SLF1: variants seen among roughly 807,000 people sequenced by gnomAD.
SLF1 encodes SMC5-SMC6 complex localization factor protein 1.
In SLF1, 105 loss-of-function variants were observed where a neutral mutation model predicts 123.0. That is an observed-to-expected ratio of 0.85 (90% CI 0.73 to 1.00). The LOEUF (loss-of-function observed/expected upper bound fraction) is 1.00, where lower values mean the gene tolerates loss of function less well. Ranked by LOEUF, SLF1 falls within the 50% of genes least tolerant of loss-of-function variation. The pLI, the probability that SLF1 is intolerant of heterozygous loss-of-function variation, is 0.00. For missense variants in SLF1, 1,239 were observed against 1,223.0 expected (o/e 1.01, Z -0.20); for synonymous variants, 434 against 406.6 (o/e 1.07, Z -0.81).
At chr5:94,649,649 G>A in intron 6 of SLF1, 52 bp downstream of exon 6, 1 of 1,347,018 alleles carries the variant, frequency 7.4e-7, no homozygotes, top group Non-Finnish European at 9.7e-7. Flanking sequence ...TTATAGAATT[G>A]TTTAAGAGGC....
At chr5:94,661,365 T>A (rs1749083197) in intron 9 of SLF1, among the ~76,000 whole-genome samples, 1 of 152,106 alleles carries the variant, frequency 6.6e-6, no homozygotes, top group African/African-American at 2.4e-5. Flanking sequence ...TCTCTGTCTT[T>A]GCTTGCCTCA....
At chr5:94,666,567 C>T (rs1456655336) in intron 12 of SLF1, among the ~76,000 whole-genome samples, 2 of 152,190 alleles carry the variant, frequency 1.3e-5, no homozygotes, top group Non-Finnish European at 2.9e-5. Flanking sequence ...CACCTTCTTT[C>T]TCCCTAACAG....
rs1394122073 is a variant in SLF1 at position 94,643,323 on chromosome 5, G to GT, written c.483dup (p.Gly162TrpfsTer9). The GT allele has an allele frequency of 1.3e-6, 2 of 1,543,468 alleles. No individual in the cohort carries two copies. The highest frequency in any genetic ancestry group is 4.1e-5 in the Admixed American group (2 of 49,132). ...GTTATTTTACCAAAAAGTTCACCAA[G>GT]TGGAATAACTCATGTGATTGCCAGT... On this transcript the variant is annotated frameshift_variant, in exon 5 of 21. Transcript: ENST00000265140. LOFTEE classifies it high-confidence loss of function.
intron 12 of SLF1, among the ~76,000 whole-genome samples, chr5:94,667,995 G>A (rs922445335): frequency 6.6e-6 from 1 of 151,946 alleles, no homozygotes; most frequent in Non-Finnish European, 1.5e-5. Flanking sequence ...TTTTCTGCCC[G>A]CCTCAGCCTC....
At chr5:94,685,828 C>T (rs1194042036) in intron 15 of SLF1, among the ~76,000 whole-genome samples, 2 of 148,458 alleles carry the variant, frequency 1.3e-5, no homozygotes, top group Admixed American at 1.3e-4. Context: ...AGCGAGACTC[C>T]GTCTCAAAAA....
intron 1 of SLF1, among the ~76,000 whole-genome samples, chr5:94,626,500 G>A (rs1393673120): frequency 6.6e-6 from 1 of 152,074 alleles, no homozygotes; most frequent in Non-Finnish European, 1.5e-5. Flanking sequence ...CTGTATCTGA[G>A]TTTTAGAGGG....
At position 94,651,794 on chromosome 5, in the gene SLF1, G is replaced by T; in HGVS notation, c.831G>T (p.Leu277Phe). Reference protein sequence around the residue: ...KEKFSGSSKDLKFVKMRNTFG... With the variant: ...KEKFSGSSKDFKFVKMRNTFG... ...AATTCAGTGGTTCCAGTAAAGATTT[G>T]AAATTTGTTAAAATGAGAAATACCT... The change falls in exon 7 of 21, where the codon TTG becomes TTT. Residue 277 changes from leucine to phenylalanine, a missense_variant. Transcript: ENST00000265140. 1 of 1,510,862 alleles carries T rather than the reference G, an allele frequency of 6.6e-7. No homozygotes were observed. The highest frequency in any genetic ancestry group is 1.3e-5 in the South Asian group (1 of 77,600). The allele number at this position is 1,510,862 out of a possible 1,614,324, so 93.6% of individuals were successfully genotyped here.
At chr5:94,657,706 G>A (rs1206786846) in intron 9 of SLF1, among the ~76,000 whole-genome samples, 1 of 151,958 alleles carries the variant, frequency 6.6e-6, no homozygotes, top group Non-Finnish European at 1.5e-5. Flanking sequence ...CCAAGATCTG[G>A]ATTTATATAT....
At chr5:94,681,456 A>T (rs1003539275) in intron 15 of SLF1, among the ~76,000 whole-genome samples, 9 of 152,138 alleles carry the variant, frequency 5.9e-5, no homozygotes, top group African/African-American at 2.2e-4. Flanking sequence ...GTATTTCTAA[A>T]AATGGTTCAA....
chr5:94,672,052 A>T (rs552833895), intron 14 of SLF1, among the ~76,000 whole-genome samples: 2 of 152,192 alleles, frequency 1.3e-5, no homozygotes, highest in East Asian at 3.9e-4. Flanking sequence ...TTTCTGTTGG[A>T]TTGGATCAAA....
At position 94,653,329 on chromosome 5, in the gene SLF1, CGCAAGAAAGGAAAAGAAAGCAATT is replaced by C. The variant is rs1561444109; in HGVS notation, c.951_974del (p.Lys318_Gly325del). The C allele has an allele frequency of 6.6e-7, 1 of 1,521,154 alleles. No individual in the cohort carries two copies. The highest frequency in any genetic ancestry group is 8.8e-7 in the Non-Finnish European group (1 of 1,137,540). 94.2% of individuals were successfully genotyped at this position (1,521,154 alleles called of 1,614,324 possible). A position where few individuals can be genotyped will look rare whatever the true frequency, so the allele number is the denominator to read the frequency against. ...GAGGAGTTATACTTTGAGGAGAAAACGCAAGAAAGGAAAAGAAAGCAATTGCAAGAAAGGCGTTGAACATGAAAA... is the reference window on the plus strand; with the variant it reads ...GAGGAGTTATACTTTGAGGAGAAAACGCAAGAAAGGCGTTGAACATGAAAA... On this transcript the variant is annotated inframe_deletion, in exon 8 of 21. Coordinates refer to ENST00000265140, the MANE Select transcript of SLF1 (RefSeq NM_032290.4).
At chr5:94,621,883 TAC>T (rs145332421) in intron 1 of SLF1, among the ~76,000 whole-genome samples, 27,421 of 150,220 alleles carry the variant, frequency 0.18, 2,786 homozygotes, top group African/African-American at 0.27. Context: ...TTAATATTTA[TAC>T]ACACACACAC....
chr5:94,619,049 A>G (rs938009302), intron 1 of SLF1, among the ~76,000 whole-genome samples: 3 of 151,984 alleles, frequency 2.0e-5, no homozygotes, highest in African/African-American at 7.2e-5. Flanking sequence ...CCTCTGCAGT[A>G]CTGGGCTGAG....
chr5:94,625,690 A>G (rs549633745), intron 1 of SLF1, among the ~76,000 whole-genome samples: 12 of 152,228 alleles, frequency 7.9e-5, no homozygotes, highest in African/African-American at 2.6e-4. Context: ...GCCAAGACCT[A>G]TCATTTTCTA....
intron 4 of SLF1, among the ~76,000 whole-genome samples, chr5:94,635,501 GTTTC>G (rs570204363): frequency 4.6e-5 from 7 of 151,478 alleles, no homozygotes; most frequent in African/African-American, 1.7e-4. Context: ...TATATACTGT[GTTTC>G]TTTCTTCCTA....
At chr5:94,661,625 C>T (rs1271208741) in intron 9 of SLF1, among the ~76,000 whole-genome samples, 1 of 151,580 alleles carries the variant, frequency 6.6e-6, no homozygotes. Context: ...ACCTGAGCTT[C>T]CCAGGTTCAA....
At chr5:94,656,678 T>A (rs1186184132) in intron 9 of SLF1, among the ~76,000 whole-genome samples, 1 of 151,608 alleles carries the variant, frequency 6.6e-6, no homozygotes, top group African/African-American at 2.4e-5. Context: ...TCTGTTCAGG[T>A]TTTCTGTTTC....
Position 94,653,285 on chromosome 5 carries a change from A to G in SLF1, c.896A>G (p.Lys299Arg). ...HTYENQKEIK[K>R]KDEDIQRSYT... ...AAATACATGTAGAAGGAAATTAAGA[A>G]AAAAGATGAAGATATTCAGAGGAGT... The change falls in exon 8 of 21, where the codon AAA (lysine) becomes AGA (arginine). Residue 299 changes from lysine to arginine, a missense_variant. Coordinates refer to ENST00000265140, the MANE Select transcript of SLF1 (RefSeq NM_032290.4). 6.6e-7 allele frequency: 1 copy of G among 1,525,570 alleles called. No individual in the cohort carries two copies. The highest frequency in any genetic ancestry group is 8.8e-7 in the Non-Finnish European group (1 of 1,138,270). The allele number at this position is 1,525,570 out of a possible 1,614,324, so 94.5% of individuals were successfully genotyped here. A position where few individuals can be genotyped will look rare whatever the true frequency, so the allele number is the denominator to read the frequency against.
At chr5:94,635,274 T>C (rs1281606689) in intron 4 of SLF1, among the ~76,000 whole-genome samples, 1 of 151,728 alleles carries the variant, frequency 6.6e-6, no homozygotes, top group Non-Finnish European at 1.5e-5. Context: ...TTTCCATCCC[T>C]TCATTTTCAC....
Sources: gnomAD v4.1 joint callset for allele counts (sites outside exome capture counted in the v4.1 genomes callset) on GRCh38, gnomAD v4.1.1 for gene constraint, MANE v1.5 for transcripts, NCBI Gene and HGNC (gene_info 2026-07-23, HGNC 2026-07-21) for gene names.